TMEM150C: variants seen among roughly 807,000 people sequenced by gnomAD.
TMEM150C encodes the protein transmembrane protein 150C, also known as tentonin 3.
TMEM150C carries 10 observed loss-of-function variants against 29.9 expected under a neutral mutation model. That is an observed-to-expected ratio of 0.33 (90% CI 0.21 to 0.57). The LOEUF is 0.57. Among genes scored for constraint, TMEM150C ranks in the 20% least tolerant of loss-of-function variants. The pLI, the probability that TMEM150C is intolerant of heterozygous loss-of-function variation, is 0.88. For missense variants in TMEM150C, 251 were observed against 303.6 expected (o/e 0.83, Z 1.29); for synonymous variants, 101 against 112.5 (o/e 0.90, Z 0.64).
chr4:82,529,478 G>A (rs1724767376), intron 1 of TMEM150C, among the ~76,000 whole-genome samples: 1 of 151,882 alleles, frequency 6.6e-6, no homozygotes, highest in Non-Finnish European at 1.5e-5. Flanking sequence ...TTCTAGAGAT[G>A]GGATCTCACT....
At chr4:82,561,140 A>AC (rs1396609381) in intron 1 of TMEM150C, among the ~76,000 whole-genome samples, 2 of 151,842 alleles carry the variant, frequency 1.3e-5, no homozygotes, top group Admixed American at 6.6e-5. Context: ...AAATGGGAAA[A>AC]CCCTCTCATA....
intron 5 of TMEM150C, among the ~76,000 whole-genome samples, chr4:82,501,507 G>A (rs902971174): frequency 6.6e-6 from 1 of 152,202 alleles, no homozygotes; most frequent in African/African-American, 2.4e-5. Flanking sequence ...CTTTGGGGAT[G>A]GCTGGGGAGA....
At chr4:82,505,141 C>T (rs929894705) in intron 1 of TMEM150C, among the ~76,000 whole-genome samples, 1 of 152,178 alleles carries the variant, frequency 6.6e-6, no homozygotes, top group African/African-American at 2.4e-5. Context: ...ATCCCTGAAA[C>T]AGTTAACATG....
At chr4:82,495,548 A>G in intron 6 of TMEM150C, 1 of 355,500 alleles carries the variant, frequency 2.8e-6, no homozygotes, top group Non-Finnish European at 5.5e-6. Context: ...TTTCACAATA[A>G]CAAAGTTGAG....
chr4:82,541,300 T>C (rs1725192582), intron 1 of TMEM150C, among the ~76,000 whole-genome samples: 1 of 152,184 alleles, frequency 6.6e-6, no homozygotes, highest in South Asian at 2.1e-4. Flanking sequence ...GTTGTTCACA[T>C]GTATGTCTGC....
At chr4:82,558,403 T>C (rs1227383172) in intron 1 of TMEM150C, among the ~76,000 whole-genome samples, 4 of 152,178 alleles carry the variant, frequency 2.6e-5, no homozygotes, top group Non-Finnish European at 5.9e-5. Flanking sequence ...TGTTTATAGA[T>C]GCCAAAAAGG....
intron 1 of TMEM150C, chr4:82,509,887 T>G (rs531339629): frequency 2.0e-5 from 3 of 152,220 alleles, no homozygotes; most frequent in Non-Finnish European, 4.4e-5. Flanking sequence ...ACAGATAGTT[T>G]GTACAGTGTT....
chr4:82,484,056 T>G lies in TMEM150C; in HGVS notation c.*1455A>C, dbSNP rs1317773456. Reference sequence around the variant, plus strand: ...ATCCGCCCGCCTCAGCCTCCCAAAGTGCTGGGATTACAGGTGTGAGCCCCA... The same window carrying G: ...ATCCGCCCGCCTCAGCCTCCCAAAGGGCTGGGATTACAGGTGTGAGCCCCA... On this transcript the variant is annotated 3_prime_UTR_variant, in exon 8 of 8. Coordinates refer to ENST00000449862, the MANE Select transcript of TMEM150C (RefSeq NM_001080506.3). 6.6e-6 allele frequency: 1 copy of G among 152,220 alleles called. No individual in the cohort carries two copies. Among genetic ancestry groups the G allele is most frequent in the East Asian group, 1.9e-4 (1 of 5,188 alleles). 9.4% of individuals were successfully genotyped at this position (152,220 alleles called of 1,614,324 possible).
At chr4:82,508,168 A>G (rs1356228883) in intron 1 of TMEM150C, among the ~76,000 whole-genome samples, 2 of 152,040 alleles carry the variant, frequency 1.3e-5, no homozygotes, top group Admixed American at 6.6e-5. Flanking sequence ...AACTTTACTT[A>G]TATTTCCTAG....
At chr4:82,553,895 T>G (rs1725659722) in intron 1 of TMEM150C, among the ~76,000 whole-genome samples, 1 of 152,190 alleles carries the variant, frequency 6.6e-6, no homozygotes, top group Non-Finnish European at 1.5e-5. Flanking sequence ...AATTTTGTTA[T>G]AAAATGGCAA....
At chr4:82,552,727 C>T (rs1321134809) in intron 1 of TMEM150C, among the ~76,000 whole-genome samples, 1 of 152,154 alleles carries the variant, frequency 6.6e-6, no homozygotes, top group Non-Finnish European at 1.5e-5. Context: ...TTGTAGAGTT[C>T]GTCAGATGAT....
At chr4:82,491,215 G>A (rs1043577032) in intron 6 of TMEM150C, 16 of 688,330 alleles carry the variant, frequency 2.3e-5, no homozygotes, top group South Asian at 6.0e-5. Context: ...ACTCCTACTC[G>A]AAGGGCAGGT....
intron 1 of TMEM150C, among the ~76,000 whole-genome samples, chr4:82,529,172 G>A (rs1281400287): frequency 6.6e-6 from 1 of 152,094 alleles, no homozygotes; most frequent in Non-Finnish European, 1.5e-5. Context: ...AGGGGATGCT[G>A]CCAAGGAAGG....
chr4:82,499,296 T>A (rs746295974), intron 5 of TMEM150C, among the ~76,000 whole-genome samples: 1 of 152,234 alleles, frequency 6.6e-6, no homozygotes, highest in Non-Finnish European at 1.5e-5. Flanking sequence ...TTTTGTTTCA[T>A]TAAAATTTTT....
rs1196729185 is a variant in TMEM150C, at chr4:82,484,426, C to T, written c.*1085G>A. ...GCCCTTAATCCAAAAAAAAAAAAAACCCTACTAAATTTGAGCAAAAGATAC... is the reference window on the plus strand; with the variant it reads ...GCCCTTAATCCAAAAAAAAAAAAAATCCTACTAAATTTGAGCAAAAGATAC... On this transcript the variant is annotated 3_prime_UTR_variant, in exon 8 of 8. Transcript: ENST00000449862. 7.0e-6 allele frequency: 1 copy of T among 142,380 alleles called. No individual in the cohort carries two copies. The highest frequency in any genetic ancestry group is 1.5e-5 in the Non-Finnish European group (1 of 64,958). 8.8% of individuals were successfully genotyped at this position (142,380 alleles called of 1,614,324 possible).
At position 82,485,633 on chromosome 4, in the gene TMEM150C, T is replaced by C; in HGVS notation, c.628A>G (p.Thr210Ala). ...LVMCFLSYFG[T>A]FAVEFRHYRY... is the part of the protein sequence containing the mutation. ...TAATGCCGGAACTCCACGGCAAAGG[T>C]GCCAAAATAAGACAGGAAGCACATG... is the stretch of plus-strand genomic sequence containing the variant. Residue 210 changes from threonine (T) to alanine (A), a missense_variant, in exon 8 of 8, where the codon ACC becomes GCC. Transcript: ENST00000449862. 6.2e-7 allele frequency: 1 copy of C among 1,609,854 alleles called. No individual in the cohort carries two copies. Among genetic ancestry groups the C allele is most frequent in the Non-Finnish European group, 8.5e-7 (1 of 1,178,158 alleles).
chr4:82,490,039 G>A, intron 7 of TMEM150C, 22 bp downstream of exon 7: 1 of 1,607,112 alleles, frequency 6.2e-7, no homozygotes, highest in South Asian at 1.1e-5. Flanking sequence ...GGCAAAAGAA[G>A]CTTTTCACGT....
chr4:82,544,725 G>A (rs1725304967), intron 1 of TMEM150C, among the ~76,000 whole-genome samples: 1 of 145,698 alleles, frequency 6.9e-6, no homozygotes, highest in South Asian at 2.1e-4. Flanking sequence ...GCTGCAGTGA[G>A]CCATGTTTGC....
chr4:82,539,217 G>A (rs779191047), intron 1 of TMEM150C, among the ~76,000 whole-genome samples: 1 of 151,990 alleles, frequency 6.6e-6, no homozygotes, highest in Non-Finnish European at 1.5e-5. Context: ...TCATTCTTTG[G>A]GATGAAAGGG....
Sources: gnomAD v4.1 joint callset for allele counts (sites outside exome capture counted in the v4.1 genomes callset) on GRCh38, gnomAD v4.1.1 for gene constraint, MANE v1.5 for transcripts, NCBI Gene and HGNC (gene_info 2026-07-23, HGNC 2026-07-21) for gene names.